Variants in C2orf76 observed in about 807,000 individuals in gnomAD.
The protein encoded by C2orf76 is chromosome 2 open reading frame 76.
Under a neutral mutation model 16.9 loss-of-function variants are expected in C2orf76, and 23 were observed. The ratio of observed to expected loss-of-function variants is 1.36; its 90% CI spans 0.98 to 1.93. C2orf76 has a LOEUF of 1.93. C2orf76 is among the 30% of genes most tolerant of loss of function. The pLI, the probability that C2orf76 is intolerant of heterozygous loss-of-function variation, is 0.00. For missense variants in C2orf76, 152 were observed against 152.6 expected, an observed-to-expected ratio of 1.00 and a Z score of 0.02; for synonymous variants, 48 against 52.3, an observed-to-expected ratio of 0.92 and a Z score of 0.35.
chr2:119,328,364 G>T (rs912848260), intron 2 of C2orf76, among the ~76,000 whole-genome samples: 1 of 151,632 alleles, frequency 6.6e-6, no homozygotes, highest in Non-Finnish European at 1.5e-5. Context: ...GAAGCAATTT[G>T]TCCTCTTTAT....
At chr2:119,284,318 GAC>G in the C2orf76 span, among the ~76,000 whole-genome samples, 611 of 152,232 alleles carry the variant, frequency 4.0e-3, 4 homozygotes, top group African/African-American at 0.013. Context: ...ATTCAATGCT[GAC>G]ACACCACAAA....
intron 1 of C2orf76, chr2:119,366,417 A>T: frequency 4.2e-6 from 2 of 471,638 alleles, no homozygotes; most frequent in South Asian, 3.1e-5. Flanking sequence ...TACGGCCACA[A>T]GCAAGTCAAA....
intron 1 of C2orf76, among the ~76,000 whole-genome samples, chr2:119,342,251 A>G (rs907427780): frequency 6.6e-6 from 1 of 152,228 alleles, no homozygotes; most frequent in Non-Finnish European, 1.5e-5. Flanking sequence ...CAAGTTGCAG[A>G]AGAATCAGAG....
chr2:119,334,715 T>C (rs1679791351), intron 2 of C2orf76, among the ~76,000 whole-genome samples: 1 of 149,872 alleles, frequency 6.7e-6, no homozygotes, highest in African/African-American at 2.5e-5. Context: ...TATATATATA[T>C]ATATATTTAA....
chr2:119,352,752 A>G (rs1352823864), intron 1 of C2orf76, among the ~76,000 whole-genome samples: 2 of 152,168 alleles, frequency 1.3e-5, no homozygotes, highest in Admixed American at 6.5e-5. Context: ...ATTTGTCAAA[A>G]GTTTTCCTTT....
At chr2:119,339,742 G>T in intron 2 of C2orf76, 85 bp downstream of exon 2, 1 of 1,396,998 alleles carries the variant, frequency 7.2e-7, no homozygotes, top group Non-Finnish European at 9.9e-7. Context: ...AAGTACTTTA[G>T]GATTTGTTAA....
chr2:119,348,421 T>G (rs1267353428), intron 1 of C2orf76, among the ~76,000 whole-genome samples: 2 of 152,214 alleles, frequency 1.3e-5, no homozygotes, highest in South Asian at 4.1e-4. Flanking sequence ...GCACAGTGGC[T>G]CACGCCTGTA....
intron 2 of C2orf76, chr2:119,339,042 G>A (rs1397349767): frequency 1.3e-5 from 2 of 152,194 alleles, no homozygotes; most frequent in African/African-American, 4.8e-5. Flanking sequence ...AGGAATCTGT[G>A]TGAAGAACAT....
chr2:119,323,057 G>T (rs914321008), intron 2 of C2orf76, among the ~76,000 whole-genome samples: 11 of 152,082 alleles, frequency 7.2e-5, no homozygotes, highest in African/African-American at 2.7e-4. Context: ...TTGCTCTGTT[G>T]CCCAGGCTAG....
chr2:119,365,014 T>C (rs1387425299), intron 1 of C2orf76, among the ~76,000 whole-genome samples: 1 of 151,974 alleles, frequency 6.6e-6, no homozygotes, highest in Admixed American at 6.6e-5. Flanking sequence ...AGGCCTGGAG[T>C]TCAAGGCTGC....
chr2:119,303,730 C>T (rs1678687490), intron 5 of C2orf76, among the ~76,000 whole-genome samples: 1 of 152,148 alleles, frequency 6.6e-6, no homozygotes, highest in Non-Finnish European at 1.5e-5. Flanking sequence ...TCATAAGCTA[C>T]CCATGCTCAT....
At position 119,331,679 on chromosome 2, in the gene C2orf76, T is replaced by A. The variant is rs184748527; in HGVS notation, c.133+8148A>T. On this transcript the variant is annotated intron_variant, in intron 2 of 5. Coordinates refer to ENST00000334816, the MANE Select transcript of C2orf76 (RefSeq NM_001322331.2). ...TCTCCCCGCCCTGTGGCCTGGAAAG[T>A]GGCACAATCATAGGGGTCACCATGT... 2.6e-5 allele frequency among the ~76,000 whole-genome samples: 4 copies of A among 152,226 alleles called. No homozygotes were observed. In the East Asian group the frequency reaches 7.7e-4, roughly 29 times the overall value.
chr2:119,364,724 G>A (rs942050498), intron 1 of C2orf76, among the ~76,000 whole-genome samples: 1 of 151,922 alleles, frequency 6.6e-6, no homozygotes, highest in Non-Finnish European at 1.5e-5. Context: ...AACATGTTAC[G>A]GTGGCTAACA....
intron 3 of C2orf76, among the ~76,000 whole-genome samples, chr2:119,318,266 C>T (rs558172526): frequency 6.6e-6 from 1 of 152,316 alleles, no homozygotes; most frequent in South Asian, 2.1e-4. Flanking sequence ...CGATTCTTCA[C>T]TCGTTTTTAT....
chr2:119,354,854 G>A (rs1003454000), intron 1 of C2orf76, among the ~76,000 whole-genome samples: 1 of 152,184 alleles, frequency 6.6e-6, no homozygotes, highest in African/African-American at 2.4e-5. Context: ...CTGCTGACTG[G>A]CACATGCTTC....
chr2:119,307,358 GA>G (rs1321369902), intron 5 of C2orf76, among the ~76,000 whole-genome samples: 4 of 151,738 alleles, frequency 2.6e-5, no homozygotes, highest in Admixed American at 2.6e-4. Flanking sequence ...AGAATCACTT[GA>G]ACCTGGGAGG....
intron 5 of C2orf76, among the ~76,000 whole-genome samples, chr2:119,309,667 C>T (rs530133473): frequency 3.3e-5 from 5 of 152,118 alleles, no homozygotes; most frequent in East Asian, 1.9e-4. Flanking sequence ...TGATCCTCCC[C>T]GCCTTAGCCT....
intron 1 of C2orf76, among the ~76,000 whole-genome samples, chr2:119,351,973 G>A (rs1276534572): frequency 3.9e-5 from 6 of 152,126 alleles, no homozygotes; most frequent in Admixed American, 2.6e-4. Flanking sequence ...TAAAAAACCT[G>A]GTATATATGC....
intron 2 of C2orf76, among the ~76,000 whole-genome samples, chr2:119,334,593 GGT>G (rs1679783565): frequency 6.6e-6 from 1 of 151,550 alleles, no homozygotes; most frequent in African/African-American, 2.4e-5. Flanking sequence ...AGGAGGCTAT[GGT>G]GGGAGAATCA....
Sources: allele counts gnomAD v4.1 joint callset (sites outside exome capture counted in the v4.1 genomes callset), GRCh38; gene constraint gnomAD v4.1.1; transcripts MANE v1.5; gene names NCBI Gene and HGNC (gene_info 2026-07-23, HGNC 2026-07-21).